Variants in SORD observed in about 807,000 individuals in gnomAD.
The protein encoded by SORD is sorbitol dehydrogenase, also known as (R,R)-butanediol dehydrogenase.
In SORD, 18 loss-of-function variants were observed where a neutral mutation model predicts 35.6. The ratio of observed to expected loss-of-function variants is 0.51; its 90% CI spans 0.35 to 0.75. SORD has a LOEUF of 0.75. SORD is among the 30% of genes least tolerant of loss of function. The probability of loss-of-function intolerance (pLI) is 0.01; values close to 1 mark genes in which losing one functional copy is unlikely to be tolerated. For missense variants in SORD, 250 were observed against 390.2 expected (o/e 0.64, Z 3.03); for synonymous variants, 106 against 152.9 (o/e 0.69, Z 2.26).
intron 3 of SORD, among the ~76,000 whole-genome samples, chr15:45,054,961 T>C (rs1330545377): frequency 1.3e-5 from 2 of 152,182 alleles, no homozygotes; most frequent in African/African-American, 2.4e-5. Context: ...GTTGTAGATA[T>C]GTGGCATTAT....
At chr15:45,026,544 C>T (rs747901678) in intron 1 of SORD, among the ~76,000 whole-genome samples, 1 of 148,620 alleles carries the variant, frequency 6.7e-6, no homozygotes, top group Middle Eastern at 3.2e-3. Flanking sequence ...AAACTGTGGC[C>T]GATTTAGGTA....
At chr15:45,044,417 C>G (rs1893013474) in intron 3 of SORD, among the ~76,000 whole-genome samples, 2 of 151,520 alleles carry the variant, frequency 1.3e-5, no homozygotes, top group African/African-American at 4.9e-5. Context: ...TCCCTGGATG[C>G]TTAGTTCTAT....
At chr15:45,069,963 T>C (rs545513877) in intron 7 of SORD, 99 of 152,288 alleles carry the variant, frequency 6.5e-4, no homozygotes, top group African/African-American at 1.9e-3. Flanking sequence ...GGGAGTGTCA[T>C]TGACAGATCA....
chr15:45,034,506 T>A (rs1892828262), intron 1 of SORD, among the ~76,000 whole-genome samples: 1 of 152,204 alleles, frequency 6.6e-6, no homozygotes, highest in South Asian at 2.1e-4. Context: ...AAAAAATGTA[T>A]TTAGGAAAAG....
intron 4 of SORD, among the ~76,000 whole-genome samples, chr15:45,061,726 A>G (rs921721816): frequency 1.3e-5 from 2 of 151,944 alleles, no homozygotes; most frequent in Admixed American, 1.3e-4. Context: ...AAAATTAGCC[A>G]GGCCTGGTGG....
At chr15:45,060,993 A>G in intron 3 of SORD, 74 bp from the exon 4 acceptor site, 1 of 1,595,672 alleles carries the variant, frequency 6.3e-7, no homozygotes, top group Non-Finnish European at 8.5e-7. Context: ...TTGGAAAACA[A>G]AGAACCAGAC....
rs1300298663 is a variant in SORD, at chr15:45,023,327, A to G, written c.44A>G (p.His15Arg). The G allele has an allele frequency of 6.9e-6, 11 of 1,590,400 alleles. No homozygotes were observed. In the African/African-American group the frequency reaches 1.5e-4, roughly 22 times the overall value. Residue 15 changes from histidine (H) to arginine (R), a missense_variant, in exon 1 of 9, where the codon CAC (histidine) becomes CGC (arginine). Around this residue, in one of 8 missense-constraint regions of SORD, gnomAD observed 43 missense variants for 30.6 expected, o/e 1.40. Transcript: ENST00000267814. ...CCCAACAACCTTTCCCTGGTGGTGC[A>G]CGGACCGGGGGACTTGCGCCTGGTA... ...AKPNNLSLVV[H>R]GPGDLRLENY... is the part of the protein sequence containing the mutation.
intron 3 of SORD, 144 bp from the exon 4 acceptor site, chr15:45,060,923 G>A: frequency 6.7e-7 from 1 of 1,501,252 alleles, no homozygotes; most frequent in South Asian, 1.2e-5. Context: ...TCTCTCATCT[G>A]GCATCTGCCC....
intron 3 of SORD, among the ~76,000 whole-genome samples, chr15:45,053,707 A>T (rs542307292): frequency 2.7e-5 from 4 of 150,310 alleles, no homozygotes; most frequent in African/African-American, 9.8e-5. Flanking sequence ...GGTTAGTTAC[A>T]TATGTATACA....
intron 5 of SORD, among the ~76,000 whole-genome samples, chr15:45,067,677 C>G (rs2141126011): frequency 6.6e-6 from 1 of 152,256 alleles, no homozygotes; most frequent in South Asian, 2.1e-4. Flanking sequence ...CTGGGGCTAT[C>G]TGGGCACCAG....
chr15:45,042,737 A>G (rs1892988629), intron 2 of SORD, among the ~76,000 whole-genome samples: 1 of 151,770 alleles, frequency 6.6e-6, no homozygotes, highest in Admixed American at 6.6e-5. Context: ...TATATTGTTT[A>G]CCCAGTGTAT....
chr15:45,038,652 G>A (rs1228959049), intron 1 of SORD, among the ~76,000 whole-genome samples: 1 of 152,176 alleles, frequency 6.6e-6, no homozygotes, highest in Non-Finnish European at 1.5e-5. Context: ...ATGCTAAAGC[G>A]ATGGAAGGCA....
At chr15:45,044,835 T>A (rs1361177218) in intron 3 of SORD, among the ~76,000 whole-genome samples, 1 of 151,962 alleles carries the variant, frequency 6.6e-6, no homozygotes, top group Non-Finnish European at 1.5e-5. Context: ...GTAGCTGGGA[T>A]TACAGACATG....
At chr15:45,051,933 G>A (rs748520163) in intron 3 of SORD, among the ~76,000 whole-genome samples, 5 of 152,134 alleles carry the variant, frequency 3.3e-5, no homozygotes, top group African/African-American at 7.2e-5. Context: ...AATATATTCA[G>A]ACACAGAATT....
At chr15:45,041,835 AAG>A (rs1892970895) in intron 2 of SORD, 1 of 152,204 alleles carries the variant, frequency 6.6e-6, no homozygotes, top group Admixed American at 6.5e-5. Context: ...TGGAAGGGAA[AAG>A]AGTGCATTTC....
At chr15:45,060,778 G>A (rs1350591216) in intron 3 of SORD, among the ~76,000 whole-genome samples, 7 of 152,126 alleles carry the variant, frequency 4.6e-5, no homozygotes, top group South Asian at 2.1e-4. Context: ...CTGGAAAAAG[G>A]GCAGGCCACA....
chr15:45,032,555 T>C (rs1200209308), intron 1 of SORD, among the ~76,000 whole-genome samples: 1 of 151,986 alleles, frequency 6.6e-6, no homozygotes, highest in African/African-American at 2.4e-5. Context: ...CAATGGGAAA[T>C]GGGTGTAGTT....
rs774495383 is a variant in SORD at position 45,073,509 on chromosome 15, C to A, written c.1053C>A (p.Asp351Glu). The A allele has an allele frequency of 3.2e-6, 5 of 1,574,208 alleles. No homozygotes were observed. Among genetic ancestry groups the A allele is most frequent in the Admixed American group, 1.9e-5 (1 of 52,732 alleles). ...GGTTGAAAATCATGCTCAAGTGTGA[C>A]CCCAGTGACCAGAATCCCTGATGTT... Reference protein sequence around the residue: ...GLGLKIMLKCDPSDQNP With the variant: ...GLGLKIMLKCEPSDQNP Residue 351 changes from aspartate (D) to glutamate (E), a missense_variant, in exon 9 of 9, where the codon GAC becomes GAA. This residue lies in a region of SORD where 17 missense variants were observed against 26.2 expected (regional missense o/e 0.65). Transcript: ENST00000267814.
chr15:45,032,073 T>C (rs904707514), intron 1 of SORD, among the ~76,000 whole-genome samples: 3 of 130,154 alleles, frequency 2.3e-5, no homozygotes, highest in African/African-American at 8.7e-5. Context: ...AAGTGACAGA[T>C]AGTGTATGAT....
Sources: allele counts gnomAD v4.1 joint callset (sites outside exome capture counted in the v4.1 genomes callset), GRCh38; gene constraint gnomAD v4.1.1; regional missense constraint gnomAD v4.1.1; transcripts MANE v1.5; gene names NCBI Gene and HGNC (gene_info 2026-07-23, HGNC 2026-07-21).